ZC3H13: variants seen among roughly 807,000 people sequenced by gnomAD.
ZC3H13 encodes zinc finger CCCH domain-containing protein 13.
A neutral mutation model predicts 204.1 loss-of-function variants in ZC3H13; 64 were observed. The observed-to-expected ratio is 0.31, with a 90% CI of 0.26 to 0.39. The LOEUF (loss-of-function observed/expected upper bound fraction) is 0.39, where lower values mean the gene tolerates loss of function less well. Among genes scored for constraint, ZC3H13 ranks in the 10% least tolerant of loss-of-function variants. ZC3H13 has a pLI of 1.00. For missense variants in ZC3H13, 1,833 were observed against 2,082.7 expected (o/e 0.88, Z 2.33); for synonymous variants, 667 against 693.7 (o/e 0.96, Z 0.60).
intron 5 of ZC3H13, among the ~76,000 whole-genome samples, chr13:46,018,239 AG>A (rs2042027279): frequency 6.6e-6 from 1 of 152,188 alleles, no homozygotes; most frequent in Non-Finnish European, 1.5e-5. Flanking sequence ...TTCTGCAATG[AG>A]GAGGTCATTA....
intron 4 of ZC3H13, among the ~76,000 whole-genome samples, chr13:46,023,074 G>T (rs1170464966): frequency 6.6e-6 from 1 of 152,134 alleles, no homozygotes. Context: ...GCATTACAAA[G>T]AATATGAAAT....
intron 8 of ZC3H13, among the ~76,000 whole-genome samples, chr13:45,994,994 G>A (rs1034485792): frequency 1.4e-5 from 2 of 142,248 alleles, no homozygotes; most frequent in African/African-American, 2.7e-5. Flanking sequence ...TTCTTCTTAC[G>A]GTCATTTAAC....
At chr13:45,964,963 G>T (rs1230049833) in intron 16 of ZC3H13, among the ~76,000 whole-genome samples, 1 of 152,196 alleles carries the variant, frequency 6.6e-6, no homozygotes, top group Non-Finnish European at 1.5e-5. Flanking sequence ...TAACTACCAT[G>T]TAGAAAGAAC....
intron 6 of ZC3H13, 147 bp from the exon 7 acceptor site, chr13:46,010,652 T>A: frequency 1.3e-6 from 1 of 767,668 alleles, no homozygotes; most frequent in Non-Finnish European, 2.0e-6. Context: ...TCCCAGTTTC[T>A]CGAGAGGCTG....
At chr13:45,972,860 T>C (rs1245154299) in intron 12 of ZC3H13, among the ~76,000 whole-genome samples, 1 of 152,250 alleles carries the variant, frequency 6.6e-6, no homozygotes, top group Non-Finnish European at 1.5e-5. Flanking sequence ...TGCCCTCTTG[T>C]TGTTTCTACC....
chr13:46,046,050 A>G (rs1200371546), intron 1 of ZC3H13, among the ~76,000 whole-genome samples: 1 of 152,212 alleles, frequency 6.6e-6, no homozygotes, highest in African/African-American at 2.4e-5. Flanking sequence ...AAAATGAATG[A>G]TATTTTAGTA....
intron 4 of ZC3H13, among the ~76,000 whole-genome samples, chr13:46,039,507 A>G (rs1360228833): frequency 6.6e-6 from 1 of 152,206 alleles, no homozygotes; most frequent in African/African-American, 2.4e-5. Context: ...GGATAAGGAG[A>G]CAAGAAGAAG....
intron 17 of ZC3H13, chr13:45,963,010 T>C: frequency 1.0e-6 from 1 of 985,426 alleles, no homozygotes. Flanking sequence ...AAAATCAGCG[T>C]GATAGGATAT....
chr13:45,982,127 AT>A (rs1410771008), intron 10 of ZC3H13, among the ~76,000 whole-genome samples: 1 of 151,912 alleles, frequency 6.6e-6, no homozygotes. Flanking sequence ...CTTCCCCAAG[AT>A]TTAAAAAACA....
intron 10 of ZC3H13, among the ~76,000 whole-genome samples, chr13:45,981,193 C>A (rs915679354): frequency 6.6e-6 from 1 of 152,096 alleles, no homozygotes; most frequent in African/African-American, 2.4e-5. Flanking sequence ...CTCTGAGGGC[C>A]CTGCCCTCAA....
At chr13:46,019,857 T>C (rs1220393065) in intron 5 of ZC3H13, among the ~76,000 whole-genome samples, 1 of 152,132 alleles carries the variant, frequency 6.6e-6, no homozygotes, top group Non-Finnish European at 1.5e-5. Flanking sequence ...AGTGCTGAGA[T>C]AACAGGCAGG....
chr13:45,966,161 C>T (rs183655231), intron 15 of ZC3H13, among the ~76,000 whole-genome samples: 1 of 152,106 alleles, frequency 6.6e-6, no homozygotes, highest in East Asian at 1.9e-4. Context: ...GAACTTAATC[C>T]TAAAATTACA....
chr13:46,027,559 A>G (rs1272561819), intron 4 of ZC3H13, among the ~76,000 whole-genome samples: 4 of 152,230 alleles, frequency 2.6e-5, no homozygotes, highest in Non-Finnish European at 4.4e-5. Context: ...AGAAAAAATA[A>G]AGCCAGTTAA....
At chr13:45,970,066 C>G in intron 13 of ZC3H13, 95 bp from the exon 14 acceptor site, 1 of 1,457,094 alleles carries the variant, frequency 6.9e-7, no homozygotes, top group Non-Finnish European at 9.1e-7. Context: ...CACCTGTAAT[C>G]CCAGGACTTT....
rs1037283295 is a variant in ZC3H13, at chr13:46,052,510, C to G, written c.-116G>C. 1.8e-5 allele frequency: 7 copies of G among 398,508 alleles called. No homozygotes were observed. Among genetic ancestry groups the G allele is most frequent in the African/African-American group, 1.4e-4 (7 of 48,602 alleles). The allele number at this position is 398,508 out of a possible 1,614,324, so 24.7% of individuals were successfully genotyped here. A position where few individuals can be genotyped will look rare whatever the true frequency, so the allele number is the denominator to read the frequency against. ...GTCCCCGCGCCTGGACCCAGGAGGA[C>G]GACGACGAGGAGAAAGCGATGCGCG... On this transcript the variant is annotated 5_prime_UTR_variant, in exon 1 of 19. Transcript: ENST00000679008.
intron 4 of ZC3H13, among the ~76,000 whole-genome samples, chr13:46,025,247 T>C (rs2042471010): frequency 6.6e-6 from 1 of 152,172 alleles, no homozygotes; most frequent in South Asian, 2.1e-4. Flanking sequence ...CAAAACTTTG[T>C]TTTCTTCTCC....
intron 4 of ZC3H13, among the ~76,000 whole-genome samples, chr13:46,022,404 G>A (rs1366893614): frequency 6.6e-6 from 1 of 151,884 alleles, no homozygotes; most frequent in Non-Finnish European, 1.5e-5. Context: ...TCAACAATGT[G>A]TAACTTGTTT....
intron 7 of ZC3H13, among the ~76,000 whole-genome samples, chr13:46,008,344 C>T (rs919103131): frequency 1.3e-5 from 2 of 150,592 alleles, no homozygotes; most frequent in African/African-American, 2.4e-5. Flanking sequence ...AAAAGAAATG[C>T]TATACTCAAT....
chr13:45,987,123 G>A (rs995158035), intron 9 of ZC3H13, among the ~76,000 whole-genome samples: 1 of 152,046 alleles, frequency 6.6e-6, no homozygotes, highest in Non-Finnish European at 1.5e-5. Context: ...AATACGTCTA[G>A]GTACTGTATT....
Sources: gnomAD v4.1 joint callset for allele counts (sites outside exome capture counted in the v4.1 genomes callset) on GRCh38, gnomAD v4.1.1 for gene constraint, MANE v1.5 for transcripts, NCBI Gene and HGNC (gene_info 2026-07-23, HGNC 2026-07-21) for gene names.